CNKSR3: variants seen among roughly 807,000 people sequenced by gnomAD.
The protein encoded by CNKSR3 is CNKSR family member 3, also known as connector enhancer of kinase suppressor of ras 3.
A neutral mutation model predicts 67.7 loss-of-function variants in CNKSR3; 36 were observed. The ratio of observed to expected loss-of-function variants is 0.53; its 90% CI spans 0.41 to 0.70. The LOEUF is 0.70. Ranked by LOEUF, CNKSR3 falls within the 30% of genes least tolerant of loss-of-function variation. The pLI is 0.00. For synonymous variants in CNKSR3, 281 were observed against 271.4 expected (o/e 1.04, Z -0.35); for missense variants, 630 against 695.2 (o/e 0.91, Z 1.05).
chr6:154,497,702 C>T (rs1159917217), intron 1 of CNKSR3, among the ~76,000 whole-genome samples: 2 of 152,128 alleles, frequency 1.3e-5, no homozygotes, highest in Non-Finnish European at 2.9e-5. Context: ...TCTCTATAGC[C>T]TGTATACTTA....
intron 1 of CNKSR3, among the ~76,000 whole-genome samples, chr6:154,466,662 C>G (rs1264423456): frequency 2.6e-5 from 4 of 152,098 alleles, no homozygotes; most frequent in Non-Finnish European, 4.4e-5. Context: ...CTCTGTCGCT[C>G]AGGCTAGAGT....
intron 2 of CNKSR3, among the ~76,000 whole-genome samples, chr6:154,447,765 T>C (rs1207400562): frequency 6.6e-6 from 1 of 152,186 alleles, no homozygotes; most frequent in African/African-American, 2.4e-5. Context: ...TCCACTAAAC[T>C]AAGTTTACAT....
chr6:154,473,583 G>A (rs568926693), intron 1 of CNKSR3, among the ~76,000 whole-genome samples: 11 of 152,256 alleles, frequency 7.2e-5, no homozygotes, highest in African/African-American at 2.2e-4. Flanking sequence ...TACAGTGAGC[G>A]CATGCATTTA....
At chr6:154,462,959 G>GA (rs1786112863) in intron 1 of CNKSR3, among the ~76,000 whole-genome samples, 1 of 151,952 alleles carries the variant, frequency 6.6e-6, no homozygotes, top group Non-Finnish European at 1.5e-5. Flanking sequence ...GAATGAAAGA[G>GA]AAAAAAAGGA....
chr6:154,393,346 C>T lies in CNKSR3; in HGVS notation c.*13008G>A, dbSNP rs147407589. The T allele has an allele frequency of 2.6e-5, 4 of 152,308 alleles. No individual in the cohort carries two copies. The highest frequency in any genetic ancestry group is 1.3e-4 in the Admixed American group (2 of 15,300). The allele number at this position is 152,308 out of a possible 1,614,324, so 9.4% of individuals were successfully genotyped here. On this transcript the variant is annotated 3_prime_UTR_variant, in exon 13 of 13. Transcript: ENST00000607772. Reference sequence around the variant, plus strand: ...ATCCCACTGATCGTTCTAGGATATCCTCCAAGTATTTTCTAATCATTTCAG... The same window carrying T: ...ATCCCACTGATCGTTCTAGGATATCTTCCAAGTATTTTCTAATCATTTCAG...
intron 1 of CNKSR3, among the ~76,000 whole-genome samples, chr6:154,453,620 T>C (rs2128719667): frequency 6.6e-6 from 1 of 152,324 alleles, no homozygotes; most frequent in East Asian, 1.9e-4. Context: ...AGGTTTTAAA[T>C]AGTGTCACCC....
At chr6:154,437,846 C>T (rs1045199954) in intron 4 of CNKSR3, among the ~76,000 whole-genome samples, 2 of 152,118 alleles carry the variant, frequency 1.3e-5, no homozygotes, top group Non-Finnish European at 2.9e-5. Flanking sequence ...CAAAACTGTT[C>T]AAATTTAAAA....
chr6:154,481,640 G>A (rs117591020), intron 1 of CNKSR3, among the ~76,000 whole-genome samples: 15 of 152,278 alleles, frequency 9.9e-5, no homozygotes, highest in Non-Finnish European at 1.6e-4. Context: ...CTTTTATGCT[G>A]TATGATTTTA....
chr6:154,414,170 C>T, intron 10 of CNKSR3, 129 bp downstream of exon 10: 1 of 912,514 alleles, frequency 1.1e-6, no homozygotes, highest in Non-Finnish European at 1.6e-6. Context: ...CTTTTAACGG[C>T]AGTTCAAGAT....
At chr6:154,468,950 C>T (rs1786267263) in intron 1 of CNKSR3, among the ~76,000 whole-genome samples, 1 of 152,156 alleles carries the variant, frequency 6.6e-6, no homozygotes, top group Admixed American at 6.5e-5. Context: ...GAGCCCAGGA[C>T]TTAGAGGCTG....
intron 1 of CNKSR3, among the ~76,000 whole-genome samples, chr6:154,470,188 CTTTTTTTTTTTTTTTTTTT>C (rs869154714): frequency 1.5e-5 from 1 of 68,724 alleles, no homozygotes; most frequent in Non-Finnish European, 2.6e-5. Context: ...ACTTTCTTTC[CTTTTTTTTTTTTTTTTTTT>C]TTTTTTTTTT....
chr6:154,407,240 T>C (rs1042553681), intron 12 of CNKSR3, among the ~76,000 whole-genome samples: 9 of 152,194 alleles, frequency 5.9e-5, no homozygotes, highest in African/African-American at 1.9e-4. Context: ...CCGCGATGGC[T>C]GAACAGAACT....
intron 1 of CNKSR3, among the ~76,000 whole-genome samples, chr6:154,460,804 T>C (rs559724883): frequency 6.6e-6 from 1 of 152,324 alleles, no homozygotes; most frequent in East Asian, 1.9e-4. Context: ...CTAGCTCCCC[T>C]GCCACACAGC....
At chr6:154,470,188 CTTTT>C (rs869154714) in intron 1 of CNKSR3, among the ~76,000 whole-genome samples, 1 of 68,718 alleles carries the variant, frequency 1.5e-5, no homozygotes, top group Non-Finnish European at 2.6e-5. Flanking sequence ...ACTTTCTTTC[CTTTT>C]TTTTTTTTTT....
chr6:154,449,983 T>C, intron 2 of CNKSR3, 112 bp downstream of exon 2: 1 of 1,045,786 alleles, frequency 9.6e-7, no homozygotes, highest in Non-Finnish European at 1.4e-6. Flanking sequence ...TGTTTTATTT[T>C]GATGGAGCAT....
At chr6:154,443,599 A>G (rs1378761314) in intron 2 of CNKSR3, among the ~76,000 whole-genome samples, 1 of 152,162 alleles carries the variant, frequency 6.6e-6, no homozygotes, top group African/African-American at 2.4e-5. Flanking sequence ...TTTCCAGCAC[A>G]GTGGACAATC....
chr6:154,492,777 A>C (rs997212987), intron 1 of CNKSR3, among the ~76,000 whole-genome samples: 2 of 151,538 alleles, frequency 1.3e-5, no homozygotes, highest in African/African-American at 4.8e-5. Flanking sequence ...AAAAAAAAAA[A>C]CAACACAGAT....
rs1029136378 is a variant in CNKSR3, at chr6:154,401,053, C to T, written c.*5301G>A. 3.9e-5 allele frequency: 6 copies of T among 152,084 alleles called. No individual in the cohort carries two copies. The highest frequency in any genetic ancestry group is 1.2e-4 in the African/African-American group (5 of 41,378). 9.4% of individuals were successfully genotyped at this position (152,084 alleles called of 1,614,324 possible). On this transcript the variant is annotated 3_prime_UTR_variant, in exon 13 of 13. Coordinates refer to ENST00000607772, the MANE Select transcript of CNKSR3 (RefSeq NM_173515.4). ...AAAATTTTCCACGTATTGGAAGAAACATCAGAAATCAGCTTTTGTGTGCTC... is the reference window on the plus strand; with the variant it reads ...AAAATTTTCCACGTATTGGAAGAAATATCAGAAATCAGCTTTTGTGTGCTC...
rs1160944650 is a variant in CNKSR3 at position 154,403,905 on chromosome 6, T to C, written c.*2449A>G. On this transcript the variant is annotated 3_prime_UTR_variant, in exon 13 of 13. Coordinates refer to ENST00000607772, the MANE Select transcript of CNKSR3 (RefSeq NM_173515.4). ...GCCTCCAGAGTGATTTAACTCATCA[T>C]CCAGTGGAACTACAGCTCTTAGAGT... 6.6e-6 allele frequency: 1 copy of C among 152,204 alleles called. No homozygotes were observed. Among genetic ancestry groups the C allele is most frequent in the African/African-American group, 2.4e-5 (1 of 41,438 alleles). 9.4% of individuals were successfully genotyped at this position (152,204 alleles called of 1,614,324 possible). A position where few individuals can be genotyped will look rare whatever the true frequency, so the allele number is the denominator to read the frequency against.
Sources: allele counts gnomAD v4.1 joint callset (sites outside exome capture counted in the v4.1 genomes callset), GRCh38; gene constraint gnomAD v4.1.1; transcripts MANE v1.5; gene names NCBI Gene and HGNC (gene_info 2026-07-23, HGNC 2026-07-21).